LDB2: variants seen among roughly 807,000 people sequenced by gnomAD.
LDB2 encodes LIM domain-binding protein 2.
A neutral mutation model predicts 44.3 loss-of-function variants in LDB2; 12 were observed. The observed-to-expected ratio is 0.27, with a 90% CI of 0.17 to 0.44. The LOEUF (loss-of-function observed/expected upper bound fraction) is 0.44. Ranked by LOEUF, LDB2 falls within the 20% of genes least tolerant of loss-of-function variation. LDB2 has a pLI of 1.00. For synonymous variants in LDB2, 164 were observed against 174.8 expected (o/e 0.94, Z 0.49); for missense variants, 344 against 473.5 (o/e 0.73, Z 2.54).
At chr4:16,844,087 T>TAAAA (rs71181192) in intron 1 of LDB2, among the ~76,000 whole-genome samples, 9 of 117,832 alleles carry the variant, frequency 7.6e-5, no homozygotes, top group African/African-American at 2.7e-4. Context: ...ACCCCATCTC[T>TAAAA]AAAAAAAAAA....
intron 5 of LDB2, among the ~76,000 whole-genome samples, chr4:16,568,184 G>C (rs1020973260): frequency 1.3e-5 from 2 of 152,160 alleles, no homozygotes; most frequent in African/African-American, 4.8e-5. Context: ...TGACAATAAT[G>C]GTGGCCGTTA....
chr4:16,753,001 A>T (rs1237316032), intron 2 of LDB2, among the ~76,000 whole-genome samples: 1 of 152,238 alleles, frequency 6.6e-6, no homozygotes, highest in Non-Finnish European at 1.5e-5. Context: ...AGCAGTGGCC[A>T]GAGGAACCTG....
chr4:16,506,796 G>A (rs1222974125), intron 7 of LDB2: 5 of 152,166 alleles, frequency 3.3e-5, no homozygotes, highest in African/African-American at 1.2e-4. Flanking sequence ...GCACAGTGTG[G>A]GCACATAGTA....
At chr4:16,850,099 G>A (rs138410101) in intron 1 of LDB2, among the ~76,000 whole-genome samples, 5 of 152,258 alleles carry the variant, frequency 3.3e-5, no homozygotes, top group African/African-American at 1.2e-4. Context: ...GCTGGCTTTG[G>A]GAGACTATGA....
At chr4:16,568,369 C>T (rs1553276) in intron 5 of LDB2, among the ~76,000 whole-genome samples, 119,405 of 152,130 alleles carry the variant, frequency 0.78, 47,524 homozygotes, top group Non-Finnish European at 0.85. Context: ...TTACTGAAAA[C>T]TCATTGATTC....
chr4:16,888,360 T>C (rs1341187597), intron 1 of LDB2, among the ~76,000 whole-genome samples: 1 of 152,224 alleles, frequency 6.6e-6, no homozygotes, highest in Non-Finnish European at 1.5e-5. Context: ...GTACACATGG[T>C]CTCATACATT....
chr4:16,848,392 T>C (rs1787517341), intron 1 of LDB2, among the ~76,000 whole-genome samples: 1 of 152,234 alleles, frequency 6.6e-6, no homozygotes, highest in Admixed American at 6.5e-5. Flanking sequence ...GTCAAAAATC[T>C]TGAGTATTCA....
chr4:16,801,870 G>T (rs1579800584), intron 1 of LDB2, among the ~76,000 whole-genome samples: 2 of 152,256 alleles, frequency 1.3e-5, no homozygotes, highest in East Asian at 3.9e-4. Flanking sequence ...GCAAACTAGT[G>T]AATCATTTTT....
intron 5 of LDB2, among the ~76,000 whole-genome samples, chr4:16,535,868 A>G (rs2152312920): frequency 6.6e-6 from 1 of 152,348 alleles, no homozygotes. Flanking sequence ...GTCCCAAGTA[A>G]GAAGCAACAG....
intron 1 of LDB2, among the ~76,000 whole-genome samples, chr4:16,860,592 G>C (rs1418347408): frequency 6.6e-6 from 1 of 152,178 alleles, no homozygotes; most frequent in Non-Finnish European, 1.5e-5. Context: ...CTCTGGTCCA[G>C]GTTTGTTCAT....
At chr4:16,816,523 C>T (rs890689983) in intron 1 of LDB2, among the ~76,000 whole-genome samples, 4 of 151,568 alleles carry the variant, frequency 2.6e-5, no homozygotes, top group African/African-American at 9.7e-5. Context: ...ATTCTCCCAC[C>T]TCAGCCTCCC....
chr4:16,734,336 G>C lies in LDB2; in HGVS notation c.235+24822C>G, dbSNP rs1761396527. The stretch of plus-strand genomic sequence containing the variant: ...TGATTAAGTAAATGAGCAAATGAGA[G>C]AACGAATAAATGAATGAATGAATGG... On this transcript the variant is annotated intron_variant, in intron 2 of 7. Transcript: ENST00000304523. Among the ~76,000 whole-genome samples the C allele has an allele frequency of 2.0e-5, 3 of 152,264 alleles. No individual in the cohort carries two copies. In the South Asian group the frequency reaches 6.2e-4, roughly 32 times the overall value.
intron 1 of LDB2, among the ~76,000 whole-genome samples, chr4:16,774,414 A>G (rs563365418): frequency 6.6e-6 from 1 of 152,250 alleles, no homozygotes; most frequent in South Asian, 2.1e-4. Context: ...TTTATTTTAC[A>G]TTATGCCCAG....
rs375018051 is a variant in LDB2, at chr4:16,582,505, A to T, written c.615+3417T>A. ...CCCATTCTAGTGCTCAAGTTCCAGC[A>T]CCAGAGAGTGCTGCTTACTGAAAGG... On this transcript the variant is annotated intron_variant, in intron 5 of 7. Transcript: ENST00000304523. This position sits in a 1 kb window ranked among gnomAD's most constrained non-coding sequence, Gnocchi z 4.8. 1.3e-5 allele frequency among the ~76,000 whole-genome samples: 2 copies of T among 152,336 alleles called. No homozygotes were observed. The highest frequency in any genetic ancestry group is 4.8e-5 in the African/African-American group (2 of 41,576).
chr4:16,718,670 C>T (rs1379452498), intron 2 of LDB2, among the ~76,000 whole-genome samples: 1 of 149,338 alleles, frequency 6.7e-6, no homozygotes, highest in Non-Finnish European at 1.5e-5. Context: ...CGGAGTACTT[C>T]CTACCCTAGA....
At chr4:16,801,312 G>A (rs1020848524) in intron 1 of LDB2, among the ~76,000 whole-genome samples, 1 of 152,126 alleles carries the variant, frequency 6.6e-6, no homozygotes, top group Admixed American at 6.5e-5. Flanking sequence ...ACTGCACGTC[G>A]TTAGGATAGG....
chr4:16,668,738 T>TCATGCAA (rs1201964556), intron 2 of LDB2, among the ~76,000 whole-genome samples: 3 of 152,234 alleles, frequency 2.0e-5, no homozygotes, highest in Non-Finnish European at 4.4e-5. Flanking sequence ...ATGTATTTTC[T>TCATGCAA]CATGCAACTG....
At chr4:16,897,916 A>G (rs1465695063) in intron 1 of LDB2, among the ~76,000 whole-genome samples, 2 of 16,536 alleles carry the variant, frequency 1.2e-4, no homozygotes, top group African/African-American at 9.3e-4. Context: ...ATATATATAT[A>G]TATATATATA....
chr4:16,594,929 AC>A (rs1345590623), intron 3 of LDB2, among the ~76,000 whole-genome samples: 1 of 152,192 alleles, frequency 6.6e-6, no homozygotes, highest in Non-Finnish European at 1.5e-5. Flanking sequence ...ATTTGTTCTT[AC>A]TAATTTTCCT....
Sources: allele counts gnomAD v4.1 joint callset (sites outside exome capture counted in the v4.1 genomes callset), GRCh38; gene constraint gnomAD v4.1.1; non-coding constraint Gnocchi (gnomAD v3.1); transcripts MANE v1.5; gene names NCBI Gene and HGNC (gene_info 2026-07-23, HGNC 2026-07-21).